CFAP65: variants seen among roughly 807,000 people sequenced by gnomAD.
CFAP65 encodes cilia and flagella associated protein 65, also known as cilia- and flagella-associated protein 65.
CFAP65 carries 155 observed loss-of-function variants against 208.0 expected under a neutral mutation model. The ratio of observed to expected loss-of-function variants is 0.75; its 90% CI spans 0.65 to 0.85. The LOEUF is 0.85. Ranked by LOEUF, CFAP65 falls within the 40% of genes least tolerant of loss-of-function variation. CFAP65 has a pLI of 0.00. For missense variants in CFAP65, 2,294 were observed against 2,451.3 expected (o/e 0.94, Z 1.36); for synonymous variants, 970 against 986.3 (o/e 0.98, Z 0.31).
chr2:219,029,947 G>C (rs755014794), intron 10 of CFAP65, 39 bp downstream of exon 10: 1 of 1,578,096 alleles, frequency 6.3e-7, no homozygotes, highest in Non-Finnish European at 8.7e-7. Context: ...AGCAGGGGCT[G>C]CTCCTGTCCC....
rs961371900 is a variant in CFAP65, at chr2:219,010,717, G to T, written c.4150-13C>A. The T allele has an allele frequency of 8.7e-6, 14 of 1,600,376 alleles. No individual in the cohort carries two copies. The highest frequency in any genetic ancestry group is 1.2e-5 in the Non-Finnish European group (14 of 1,173,200). ...TGGGCACGTCCACCTGGGGAGTTAGGAGGGTGGGGGTAGGGACTGGTCAGA... is the reference window on the plus strand; with the variant it reads ...TGGGCACGTCCACCTGGGGAGTTAGTAGGGTGGGGGTAGGGACTGGTCAGA... On this transcript the variant is annotated splice_polypyrimidine_tract_variant and intron_variant, in intron 25 of 34. Coordinates refer to ENST00000341552, the MANE Select transcript of CFAP65 (RefSeq NM_194302.4).
intron 29 of CFAP65, 39 bp from the exon 30 acceptor site, chr2:219,006,548 G>A (rs1559115088): frequency 6.2e-7 from 1 of 1,605,408 alleles, no homozygotes; most frequent in Admixed American, 1.7e-5. Flanking sequence ...GATACAAGAG[G>A]CCCGGCCGGG....
Position 219,031,228 on chromosome 2 carries a change from C to A in CFAP65, c.893G>T (p.Gly298Val), listed in dbSNP as rs1236492409. ...GGTCACCTTGATCTGAGAGGCCTGG[C>A]CTGGCTCCAGGAGCCCCGTGGCGGG... is the stretch of plus-strand genomic sequence containing the variant. Reference protein sequence around the residue: ...MLPATGLLEPGQASQIKVTFQ... With the variant: ...MLPATGLLEPVQASQIKVTFQ... Residue 298 changes from glycine to valine, a missense_variant, in exon 8 of 35, where the codon GGC becomes GTC. This residue lies in a region of CFAP65 where 867 missense variants were observed against 1,012.6 expected (regional missense o/e 0.86). Coordinates refer to ENST00000341552, the MANE Select transcript of CFAP65 (RefSeq NM_194302.4). This position sits in a 1 kb window ranked among gnomAD's most constrained non-coding sequence, Gnocchi z 5.2. 2.5e-6 allele frequency: 4 copies of A among 1,613,788 alleles called. No homozygotes were observed. Among genetic ancestry groups the A allele is most frequent in the East Asian group, 2.2e-5 (1 of 44,874 alleles).
intron 11 of CFAP65, 48 bp downstream of exon 11, chr2:219,029,355 C>T (rs750002338): frequency 1.9e-6 from 3 of 1,582,480 alleles, no homozygotes; most frequent in Non-Finnish European, 2.6e-6. Context: ...TCAGTGGGCC[C>T]CAGGGGAGCC....
chr2:219,033,981 A>G (rs1361245741), intron 5 of CFAP65: 1 of 152,214 alleles, frequency 6.6e-6, no homozygotes, highest in South Asian at 2.1e-4. Context: ...AAACAGAAAT[A>G]AAACAACTAA....
chr2:219,029,580 G>T lies in CFAP65; in HGVS notation c.1473C>A (p.Asn491Lys). Reference protein sequence around the residue: ...ERSEQPLWIENQSDCTAHFQF... With the variant: ...ERSEQPLWIEKQSDCTAHFQF... ...GGAAGTGGGCCGTGCAGTCCGATTGGTTCTCAATCCACAGGGGCTGCTCGG... is the reference window on the plus strand; with the variant it reads ...GGAAGTGGGCCGTGCAGTCCGATTGTTTCTCAATCCACAGGGGCTGCTCGG... The change falls in exon 11 of 35, where the codon AAC becomes AAA. Residue 491 changes from asparagine to lysine, a missense_variant. Asn to Lys is a moderately conservative substitution (Grantham distance 94). This residue lies in a region of CFAP65 where 867 missense variants were observed against 1,012.6 expected (regional missense o/e 0.86). Coordinates refer to ENST00000341552, the MANE Select transcript of CFAP65 (RefSeq NM_194302.4). 1 of 1,614,174 alleles carries T rather than the reference G, an allele frequency of 6.2e-7. No individual in the cohort carries two copies. The highest frequency in any genetic ancestry group is 1.1e-5 in the South Asian group (1 of 91,074).
intron 29 of CFAP65, among the ~76,000 whole-genome samples, chr2:219,008,250 C>T (rs1946165599): frequency 6.6e-6 from 1 of 152,196 alleles, no homozygotes; most frequent in African/African-American, 2.4e-5. Context: ...CAGTCTGGTC[C>T]CAGCTGTGCC....
At chr2:219,010,162 G>A in intron 26 of CFAP65, 77 bp from the exon 27 acceptor site, 3 of 1,423,106 alleles carry the variant, frequency 2.1e-6, no homozygotes, top group East Asian at 4.8e-5. Context: ...CCAGCACTTT[G>A]GGAGGCCAAG....
At chr2:219,007,472 G>T (rs111872319) in intron 29 of CFAP65, among the ~76,000 whole-genome samples, 92 of 152,220 alleles carry the variant, frequency 6.0e-4, no homozygotes, top group African/African-American at 2.2e-3. Context: ...GAGCCACCGC[G>T]CCTGGCCTTA....
chr2:219,017,946 C>T (rs1347311809), intron 21 of CFAP65, among the ~76,000 whole-genome samples: 2 of 152,174 alleles, frequency 1.3e-5, no homozygotes, highest in Non-Finnish European at 1.5e-5. Context: ...CAGTTCTGGC[C>T]CTTCTCAGAC....
At position 219,004,316 on chromosome 2, in the gene CFAP65, G is replaced by A; in HGVS notation, c.5191C>T (p.Leu1731=). 1 of 1,614,142 alleles carries A rather than the reference G, an allele frequency of 6.2e-7. No homozygotes were observed. Among genetic ancestry groups the A allele is most frequent in the South Asian group, 1.1e-5 (1 of 91,084 alleles). ...QKNSLYLMPI[L]PVPSSSWEDG... ...TCCCAGCTGCTGGAGGGTACAGGCA[G>A]GATTGGCATTAAGTACAGGCTGTTT... The change falls in exon 33 of 35, where the codon CTG becomes TTG. Residue 1731 remains leucine (L), a synonymous_variant. Coordinates refer to ENST00000341552, the MANE Select transcript of CFAP65 (RefSeq NM_194302.4). The surrounding 1 kb of genome is among the most constrained non-coding windows in gnomAD (Gnocchi z 4.7).
chr2:219,027,388 T>C (rs770964443), intron 13 of CFAP65: 21 of 1,470,038 alleles, frequency 1.4e-5, no homozygotes, highest in Non-Finnish European at 1.9e-5. Context: ...GCACCCAGTT[T>C]TCCCAAACAG....
Position 219,038,541 on chromosome 2 carries a change from T to C in CFAP65, c.191A>G (p.Lys64Arg). 1 of 1,614,082 alleles carries C rather than the reference T, an allele frequency of 6.2e-7. No individual in the cohort carries two copies. The highest frequency in any genetic ancestry group is 8.5e-7 in the Non-Finnish European group (1 of 1,179,980). ...TGGAGCCTGGGTGAGCATCATGTCC[T>C]TGGGACACAGTCCAAAGGGAGCACT... ...TQSAPFGLCP[K>R]DMMLTQAPSS... The change falls in exon 4 of 35, where the codon AAG (lysine) becomes AGG (arginine). Residue 64 changes from lysine to arginine, a missense_variant. Coordinates refer to ENST00000341552, the MANE Select transcript of CFAP65 (RefSeq NM_194302.4).
intron 29 of CFAP65, among the ~76,000 whole-genome samples, chr2:219,008,560 C>T (rs147311458): frequency 6.6e-6 from 1 of 152,224 alleles, no homozygotes; most frequent in African/African-American, 2.4e-5. Flanking sequence ...GCCTGGCCAA[C>T]ATGGTGAAAC....
intron 27 of CFAP65, 56 bp downstream of exon 27, chr2:219,009,886 G>A (rs772464160): frequency 1.1e-4 from 172 of 1,528,890 alleles, no homozygotes; most frequent in Middle Eastern, 4.5e-4. Flanking sequence ...GGGGTCAGGT[G>A]GGGTTGGATG....
At chr2:219,023,623 T>C (rs928203920) in intron 15 of CFAP65, among the ~76,000 whole-genome samples, 192 bp from the exon 16 acceptor site, 2 of 152,222 alleles carry the variant, frequency 1.3e-5, no homozygotes, top group Non-Finnish European at 2.9e-5. Flanking sequence ...GAGATAATTC[T>C]TGAAAAGAAC....
intron 4 of CFAP65, among the ~76,000 whole-genome samples, chr2:219,036,965 C>G (rs1195084767): frequency 6.6e-6 from 1 of 152,270 alleles, no homozygotes; most frequent in South Asian, 2.1e-4. Flanking sequence ...GGCCAATATA[C>G]TATTTTCTTT....
At chr2:219,013,699 C>T (rs778432366) in intron 22 of CFAP65, 114 bp from the exon 23 acceptor site, 23 of 1,206,740 alleles carry the variant, frequency 1.9e-5, no homozygotes, top group East Asian at 2.4e-5. Context: ...GGGAGCAACT[C>T]GCCCTTGAGT....
rs2106200156 is a variant in CFAP65, at chr2:219,026,159, C to T, written c.2212G>A (p.Val738Ile). 6.2e-7 allele frequency: 1 copy of T among 1,609,814 alleles called. No homozygotes were observed. The highest frequency in any genetic ancestry group is 8.5e-7 in the Non-Finnish European group (1 of 1,176,772). ...VELEAFAIYK[V>I]LQSYSNIEED... ...TCAATATTACTGTAGCTCTGCAGGACCTGCAGAGGGGCCAGACCCACGGAA... is the reference window on the plus strand; with the variant it reads ...TCAATATTACTGTAGCTCTGCAGGATCTGCAGAGGGGCCAGACCCACGGAA... Residue 738 changes from valine to isoleucine, a missense_variant and splice_region_variant, in exon 14 of 35, where the codon GTC (valine) becomes ATC (isoleucine). This residue lies in a region of CFAP65 where 867 missense variants were observed against 1,012.6 expected (regional missense o/e 0.86). Coordinates refer to ENST00000341552, the MANE Select transcript of CFAP65 (RefSeq NM_194302.4).
Sources: gnomAD v4.1 joint callset for allele counts (sites outside exome capture counted in the v4.1 genomes callset) on GRCh38, gnomAD v4.1.1 for gene constraint, gnomAD v4.1.1 regional missense constraint, Gnocchi (gnomAD v3.1) non-coding constraint, MANE v1.5 for transcripts, NCBI Gene and HGNC (gene_info 2026-07-23, HGNC 2026-07-21) for gene names.